The following BRI3 variants were observed in gnomAD, a reference collection of about 807,000 sequenced individuals.
BRI3 encodes brain protein I3, also known as membrane protein BRI3.
BRI3 carries 6 observed loss-of-function variants against 12.8 expected under a neutral mutation model. The observed-to-expected ratio is 0.47, with a 90% CI of 0.26 to 0.93. BRI3 has a LOEUF of 0.93. Ranked by LOEUF, BRI3 falls within the 40% of genes least tolerant of loss-of-function variation. The probability of loss-of-function intolerance (pLI) is 0.15; values close to 1 mark genes in which losing one functional copy is unlikely to be tolerated. For missense variants in BRI3, 134 were observed against 171.1 expected (o/e 0.78, Z 1.21); for synonymous variants, 91 against 76.1 (o/e 1.20, Z -1.02).
At chr7:98,311,585 A>C (rs1800871600), downstream of BRI3, among the ~76,000 whole-genome samples, 1 of 151,562 alleles carries the variant, frequency 6.6e-6, no homozygotes, top group African/African-American at 2.4e-5. Context: ...TAAAATTTCC[A>C]AAACAAAGAT....
downstream of BRI3, among the ~76,000 whole-genome samples, chr7:98,311,745 A>G (rs1309714012): frequency 6.6e-6 from 1 of 151,868 alleles, no homozygotes; most frequent in South Asian, 2.1e-4. Context: ...GTCTCTACTA[A>G]TAATACAAAA....
At chr7:98,307,609 C>T (rs1310800234) in exon 2 of BRI3, 39 of 1,576,042 alleles carry the variant, frequency 2.5e-5, no homozygotes, top group Admixed American at 1.1e-4. Context: ...AGCATGTCCA[C>T]GAAGACAGTT....
upstream of BRI3, chr7:98,304,312 G>A (rs955387574): frequency 3.1e-6 from 5 of 1,613,284 alleles, no homozygotes; most frequent in Admixed American, 3.3e-5. Flanking sequence ...TAGTCGGGTG[G>A]GGGGATGACA....
upstream of BRI3, among the ~76,000 whole-genome samples, chr7:98,305,367 G>C (rs1800615431): frequency 6.6e-6 from 1 of 151,880 alleles, no homozygotes; most frequent in African/African-American, 2.4e-5. Context: ...CATCCTAAAA[G>C]TGTTACTCAG....
chr7:98,319,478 C>T, the BRI3 span, among the ~76,000 whole-genome samples: 3 of 151,694 alleles, frequency 2.0e-5, no homozygotes, highest in East Asian at 3.9e-4. Context: ...TGTCCTACAG[C>T]GTGAATGTAT....
At chr7:98,320,411 C>T in the BRI3 span, 24 of 739,152 alleles carry the variant, frequency 3.2e-5, no homozygotes, top group Non-Finnish European at 4.1e-5. Context: ...TCTTGGCCCG[C>T]TGCAACCTCC....
At chr7:98,296,423 C>T (rs1015963305), downstream of BRI3, among the ~76,000 whole-genome samples, 3 of 152,104 alleles carry the variant, frequency 2.0e-5, no homozygotes, top group Non-Finnish European at 4.4e-5. Context: ...GTCGGGAGTT[C>T]GAGACCAGCC....
At chr7:98,285,357 C>T (rs138593960) in intron 2 of BRI3, among the ~76,000 whole-genome samples, 17 of 152,248 alleles carry the variant, frequency 1.1e-4, no homozygotes, top group Admixed American at 2.0e-4. Context: ...GGCTTCCAGA[C>T]GATGGAGGTG....
chr7:98,301,898 T>C (rs2116827135), upstream of BRI3, among the ~76,000 whole-genome samples: 1 of 152,240 alleles, frequency 6.6e-6, no homozygotes, highest in East Asian at 1.9e-4. Context: ...TGGTGGAGGC[T>C]GCAGGGCACC....
chr7:98,306,481 A>C, upstream of BRI3: 1 of 1,614,130 alleles, frequency 6.2e-7, no homozygotes, highest in Non-Finnish European at 8.5e-7. Context: ...ATTTTCTTCC[A>C]GCAACTTCGT....
chr7:98,316,218 AC>A, the BRI3 span, among the ~76,000 whole-genome samples: 1 of 151,716 alleles, frequency 6.6e-6, no homozygotes, highest in African/African-American at 2.4e-5. Context: ...CTTCCCTTCC[AC>A]CATGATTGTG....
intron 1 of BRI3, among the ~76,000 whole-genome samples, chr7:98,300,283 C>A (rs927979450): frequency 1.3e-5 from 2 of 152,166 alleles, no homozygotes; most frequent in African/African-American, 4.8e-5. Context: ...CTGCTCCCGC[C>A]CTTGGAGCAG....
chr7:98,306,449 G>C (rs1200789253), upstream of BRI3: 1 of 1,614,042 alleles, frequency 6.2e-7, no homozygotes, highest in Non-Finnish European at 8.5e-7. Context: ...CTTGGCGTGG[G>C]CACGGTCACT....
chr7:98,317,452 G>T, the BRI3 span: 37 of 1,487,440 alleles, frequency 2.5e-5, no homozygotes, highest in African/African-American at 4.1e-4. Context: ...GTGGCTCAAC[G>T]GGGCCCTGAC....
chr7:98,322,176 T>A, the BRI3 span, among the ~76,000 whole-genome samples: 6 of 151,920 alleles, frequency 3.9e-5, no homozygotes, highest in Non-Finnish European at 7.4e-5. Context: ...TGGTAGAATA[T>A]GGGGAGAGAG....
downstream of BRI3, chr7:98,292,065 G>C (rs1340373135): frequency 6.5e-6 from 1 of 153,552 alleles, no homozygotes; most frequent in Admixed American, 6.5e-5. Context: ...GGGGGTGCCT[G>C]GTTTGTCCTC....
At chr7:98,293,634 C>G (rs778466050), downstream of BRI3, 21 of 1,586,264 alleles carry the variant, frequency 1.3e-5, no homozygotes, top group Admixed American at 5.0e-5. Context: ...AACTTCTGCT[C>G]TACGAGGGAA....
chr7:98,306,287 A>C, upstream of BRI3: 2 of 924,572 alleles, frequency 2.2e-6, no homozygotes, highest in Non-Finnish European at 3.3e-6. Context: ...ATCACGGCAG[A>C]CAGCACTGTG....
At chr7:98,290,002 T>A (rs897012285) in intron 2 of BRI3, among the ~76,000 whole-genome samples, 1 of 152,142 alleles carries the variant, frequency 6.6e-6, no homozygotes, top group African/African-American at 2.4e-5. Flanking sequence ...ATAAGTGGCC[T>A]TCAGACATTG....
Sources: gnomAD v4.1 joint callset for allele counts (sites outside exome capture counted in the v4.1 genomes callset) on GRCh38, gnomAD v4.1.1 for gene constraint, MANE v1.5 for transcripts, NCBI Gene and HGNC (gene_info 2026-07-23, HGNC 2026-07-21) for gene names.